The following CALN1 variants were observed in gnomAD, a reference collection of about 807,000 sequenced individuals.
CALN1 encodes the protein calneuron 1, also known as calcium-binding protein 8.
In CALN1, 17 loss-of-function variants were observed where a neutral mutation model predicts 30.6. The ratio of observed to expected loss-of-function variants is 0.56; its 90% CI spans 0.38 to 0.83. The LOEUF (loss-of-function observed/expected upper bound fraction) is 0.83. Ranked by LOEUF, CALN1 falls within the 40% of genes least tolerant of loss-of-function variation. The pLI, the probability that CALN1 is intolerant of heterozygous loss-of-function variation, is 0.00. For missense variants in CALN1, 291 were observed against 354.9 expected (o/e 0.82, Z 1.45); for synonymous variants, 156 against 131.4 (o/e 1.19, Z -1.28).
chr7:71,848,812 C>G (rs1448169067), intron 5 of CALN1, among the ~76,000 whole-genome samples: 1 of 152,098 alleles, frequency 6.6e-6, no homozygotes, highest in East Asian at 1.9e-4. Flanking sequence ...AACTCTAACT[C>G]AGGTTACAGA....
chr7:71,995,901 C>T (rs1383088078), intron 5 of CALN1, among the ~76,000 whole-genome samples: 1 of 151,966 alleles, frequency 6.6e-6, no homozygotes, highest in East Asian at 1.9e-4. Context: ...AGAGGAGAAT[C>T]TCGTCATAAA....
chr7:72,123,935 A>T (rs6957074), intron 3 of CALN1, among the ~76,000 whole-genome samples: 40,938 of 151,992 alleles, frequency 0.27, 6,243 homozygotes, highest in Non-Finnish European at 0.35. Context: ...TGAAAAATAA[A>T]TCTGAAATCA....
intron 5 of CALN1, among the ~76,000 whole-genome samples, chr7:72,005,814 T>C (rs546979097): frequency 3.2e-4 from 48 of 151,882 alleles, no homozygotes; most frequent in Non-Finnish European, 5.4e-4. Context: ...GGGGTGGGAA[T>C]GAGGAGATGT....
chr7:72,070,283 C>T (rs916359667), intron 4 of CALN1, among the ~76,000 whole-genome samples: 1 of 152,138 alleles, frequency 6.6e-6, no homozygotes, highest in African/African-American at 2.4e-5. Context: ...TAAAAACTTG[C>T]ACTAAAAGAA....
intron 1 of CALN1, among the ~76,000 whole-genome samples, chr7:72,405,228 C>T (rs1310233740): frequency 3.3e-5 from 5 of 152,200 alleles, no homozygotes; most frequent in Non-Finnish European, 1.5e-5. Flanking sequence ...AGTCACATCT[C>T]ACCAAACAGC....
At chr7:72,352,388 CAAAAAA>C (rs59245091) in intron 2 of CALN1, among the ~76,000 whole-genome samples, 3 of 82,036 alleles carry the variant, frequency 3.7e-5, no homozygotes, top group South Asian at 1.0e-3. Flanking sequence ...GACTCTGTCT[CAAAAAA>C]AAAAAAAAAA....
intron 3 of CALN1, among the ~76,000 whole-genome samples, chr7:72,160,225 GAAGA>G (rs1788001366): frequency 6.6e-6 from 1 of 152,048 alleles, no homozygotes; most frequent in African/African-American, 2.4e-5. Context: ...CCACAGGAAG[GAAGA>G]GACATCCGTC....
chr7:72,149,870 T>C (rs1050070906), intron 3 of CALN1, among the ~76,000 whole-genome samples: 2 of 151,830 alleles, frequency 1.3e-5, no homozygotes, highest in Admixed American at 1.3e-4. Context: ...TCCCAGCACT[T>C]TGAGACATGG....
chr7:72,369,120 A>G (rs866711767), intron 2 of CALN1, among the ~76,000 whole-genome samples: 2 of 150,946 alleles, frequency 1.3e-5, no homozygotes, highest in East Asian at 1.9e-4. Flanking sequence ...CAGCCTGAAA[A>G]CTCATTTTAA....
intron 5 of CALN1, among the ~76,000 whole-genome samples, chr7:71,918,123 G>A (rs144508005): frequency 6.6e-6 from 1 of 152,272 alleles, no homozygotes; most frequent in East Asian, 1.9e-4. Flanking sequence ...ATTAAATCAT[G>A]CACAACTGAG....
chr7:72,056,526 C>A (rs1354632173), intron 4 of CALN1, among the ~76,000 whole-genome samples: 2 of 151,816 alleles, frequency 1.3e-5, no homozygotes, highest in East Asian at 3.9e-4. Flanking sequence ...GCATTTTACT[C>A]TAGAACATGA....
intron 2 of CALN1, among the ~76,000 whole-genome samples, chr7:72,321,347 T>C (rs978509468): frequency 2.0e-5 from 3 of 152,192 alleles, no homozygotes; most frequent in African/African-American, 7.2e-5. Context: ...TTATTAGTCA[T>C]CACGCGTTGA....
upstream of CALN1, among the ~76,000 whole-genome samples, chr7:72,451,209 A>G (rs867280602): frequency 3.1e-3 from 393 of 126,082 alleles, 1 homozygote; most frequent in Middle Eastern, 7.6e-3. Context: ...GAAGAAGAAG[A>G]AGGAGGAGGA....
intron 4 of CALN1, among the ~76,000 whole-genome samples, chr7:72,085,469 ATTTAAC>A (rs1352884027): frequency 6.8e-6 from 1 of 147,288 alleles, no homozygotes; most frequent in East Asian, 2.5e-4. Flanking sequence ...TGATCTATAA[ATTTAAC>A]TTTATTATAA....
chr7:72,226,951 A>G (rs965053549), intron 3 of CALN1, among the ~76,000 whole-genome samples: 1 of 151,790 alleles, frequency 6.6e-6, no homozygotes, highest in Non-Finnish European at 1.5e-5. Context: ...CAGGAGAATC[A>G]CTTGAACCCG....
At chr7:72,026,749 A>T (rs1801084691) in intron 4 of CALN1, among the ~76,000 whole-genome samples, 1 of 152,098 alleles carries the variant, frequency 6.6e-6, no homozygotes, top group Admixed American at 6.5e-5. Context: ...AAAATAAAAC[A>T]ACATTTATCT....
chr7:71,810,609 A>G (rs140167931), intron 5 of CALN1, 117 bp from the exon 6 acceptor site: 7 of 960,046 alleles, frequency 7.3e-6, no homozygotes, highest in African/African-American at 4.9e-5. Context: ...GCGTTTCAGG[A>G]TATCAGGTGA....
intron 4 of CALN1, among the ~76,000 whole-genome samples, chr7:72,058,772 C>A (rs901491817): frequency 6.6e-6 from 1 of 152,142 alleles, no homozygotes; most frequent in Non-Finnish European, 1.5e-5. Flanking sequence ...TACGCCTTTG[C>A]CCCATATAGA....
chr7:72,094,127 C>T (rs960380291), intron 4 of CALN1, among the ~76,000 whole-genome samples: 2 of 152,230 alleles, frequency 1.3e-5, no homozygotes, highest in Non-Finnish European at 2.9e-5. Flanking sequence ...AGGAAACATT[C>T]TAGGTCTGAT....
Sources: gnomAD v4.1 joint callset for allele counts (sites outside exome capture counted in the v4.1 genomes callset) on GRCh38, gnomAD v4.1.1 for gene constraint, MANE v1.5 for transcripts, NCBI Gene and HGNC (gene_info 2026-07-23, HGNC 2026-07-21) for gene names.